Variants in CYP3A7 observed in about 807,000 individuals in gnomAD.
CYP3A7 encodes cytochrome P450 3A7.
In CYP3A7, 45 loss-of-function variants were observed where a neutral mutation model predicts 55.2. The ratio of observed to expected loss-of-function variants is 0.82; its 90% CI spans 0.64 to 1.05. The LOEUF (loss-of-function observed/expected upper bound fraction) is 1.05. CYP3A7 is among the 50% of genes least tolerant of loss of function. The probability of loss-of-function intolerance (pLI) is 0.00; values close to 1 mark genes in which losing one functional copy is unlikely to be tolerated. For missense variants in CYP3A7, 548 were observed against 605.3 expected (o/e 0.91, Z 0.99); for synonymous variants, 180 against 207.4 (o/e 0.87, Z 1.13).
At chr7:99,712,916 C>T (rs1254796917) in intron 9 of CYP3A7, among the ~76,000 whole-genome samples, 1 of 152,148 alleles carries the variant, frequency 6.6e-6, no homozygotes, top group African/African-American at 2.4e-5. Context: ...TACACAGTCT[C>T]AGAGGTTTTC....
At position 99,731,152 on chromosome 7, in the gene CYP3A7, T is replaced by C; in HGVS notation, c.72A>G (p.Leu24=). ...AAAGTCCATGTGTACGGGTTCCATA[T>C]CTACAAAGTGAAACAAAAATCAGGT... The part of the protein sequence containing the change: ...LLAVSLILLY[L]YGTRTHGLFK... The change falls in exon 2 of 13, where the codon CTA becomes CTG. Residue 24 remains leucine, a splice_region_variant and synonymous_variant. Transcript: ENST00000336374. The C allele has an allele frequency of 1.2e-6, 2 of 1,613,778 alleles. No individual in the cohort carries two copies. Among genetic ancestry groups the C allele is most frequent in the Non-Finnish European group, 1.7e-6 (2 of 1,179,760 alleles).
intron 12 of CYP3A7, among the ~76,000 whole-genome samples, chr7:99,706,176 C>A (rs1378079079): frequency 6.6e-6 from 1 of 152,168 alleles, no homozygotes; most frequent in Non-Finnish European, 1.5e-5. Context: ...AGTGGGGAAC[C>A]TCTCAATTCC....
At chr7:99,722,230 T>C in intron 3 of CYP3A7, 66 bp downstream of exon 3, 1 of 1,600,406 alleles carries the variant, frequency 6.2e-7, no homozygotes, top group South Asian at 1.1e-5. Context: ...GAGACTATCC[T>C]CTGTGCAGTG....
chr7:99,730,892 A>C (rs950611839), intron 2 of CYP3A7, 167 bp downstream of exon 2: 8 of 848,916 alleles, frequency 9.4e-6, no homozygotes, highest in Middle Eastern at 3.4e-4. Context: ...GAGAGTTAGC[A>C]AGAGAGCCCC....
In CYP3A7 at chr7:99,705,510, C is replaced by T. The variant is rs1813487025; in HGVS notation, c.1502G>A (p.Ser501Asn). Residue 501 changes from serine to asparagine, a missense_variant, in exon 13 of 13, where the codon AGT (serine) becomes AAT (asparagine). Coordinates refer to ENST00000336374, the MANE Select transcript of CYP3A7 (RefSeq NM_000765.5). ...AAGTCCTTAGGGAAATCAGGCTCCACTTACGGTCTCATCCCTTGACTCAGC... is the reference window on the plus strand; with the variant it reads ...AAGTCCTTAGGGAAATCAGGCTCCATTTACGGTCTCATCCCTTGACTCAGC... ...LKAESRDETVSGA is the reference protein window; with the variant it reads ...LKAESRDETVNGA The T allele has an allele frequency of 6.2e-7, 1 of 1,613,496 alleles. No individual in the cohort carries two copies. Among genetic ancestry groups the T allele is most frequent in the African/African-American group, 1.3e-5 (1 of 74,900 alleles).
chr7:99,734,987 A>G, intron 1 of CYP3A7, 36 bp downstream of exon 1: 2 of 1,613,774 alleles, frequency 1.2e-6, no homozygotes, highest in Non-Finnish European at 8.5e-7. Context: ...CCCAAGTCCA[A>G]GGAAACAGAG....
chr7:99,709,007 G>C (rs1813638812), intron 11 of CYP3A7, 28 bp downstream of exon 11: 1 of 1,613,370 alleles, frequency 6.2e-7, no homozygotes, highest in Non-Finnish European at 8.5e-7. Context: ...CTGGTTCAGG[G>C]AGGGCTCCCT....
intron 1 of CYP3A7, among the ~76,000 whole-genome samples, chr7:99,734,633 T>C (rs1814759849): frequency 6.6e-6 from 1 of 151,426 alleles, no homozygotes; most frequent in Non-Finnish European, 1.5e-5. Flanking sequence ...TCTCTTTTTT[T>C]TTTTTTGAGA....
At chr7:99,718,554 T>C (rs1379304735) in intron 4 of CYP3A7, among the ~76,000 whole-genome samples, 1 of 152,108 alleles carries the variant, frequency 6.6e-6, no homozygotes, top group African/African-American at 2.4e-5. Flanking sequence ...ATAAAGAGAA[T>C]CTACAAAAAA....
At chr7:99,713,633 C>T in intron 8 of CYP3A7, 98 bp from the exon 9 acceptor site, 1 of 1,536,376 alleles carries the variant, frequency 6.5e-7, no homozygotes, top group Non-Finnish European at 8.9e-7. Context: ...GAGAATATAG[C>T]CCCTTGGAGA....
At position 99,710,884 on chromosome 7, in the gene CYP3A7, C is replaced by A; in HGVS notation, c.874G>T (p.Asp292Tyr). The A allele has an allele frequency of 1.2e-6, 2 of 1,613,712 alleles. No individual in the cohort carries two copies. Among genetic ancestry groups the A allele is most frequent in the Non-Finnish European group, 1.7e-6 (2 of 1,179,760 alleles). Residue 292 changes from aspartate (D) to tyrosine (Y), a missense_variant, in exon 10 of 13, where the codon GAT (aspartate) becomes TAT (tyrosine). By Grantham distance (160) the Asp-to-Tyr change is radical. Coordinates refer to ENST00000336374, the MANE Select transcript of CYP3A7 (RefSeq NM_000765.5). ...KDSETHKALS[D>Y]LELMAQSIIF... ...ATTGATTGGGCCATGAGCTCCAGAT[C>A]AGACAGAGCTGAAAGGAGAGAAAAG...
At chr7:99,708,886 G>C in intron 11 of CYP3A7, 149 bp downstream of exon 11, 1 of 943,672 alleles carries the variant, frequency 1.1e-6, no homozygotes, top group South Asian at 1.6e-5. Context: ...TGTAAAGTGT[G>C]ACAATGATCA....
chr7:99,714,347 A>G (rs1813857830), intron 8 of CYP3A7, among the ~76,000 whole-genome samples: 1 of 152,184 alleles, frequency 6.6e-6, no homozygotes, highest in East Asian at 1.9e-4. Flanking sequence ...ATCAAATTTT[A>G]AGTGCTCTCT....
chr7:99,722,364 AAAT>A lies in CYP3A7; in HGVS notation c.166-19_166-17del, dbSNP rs1301585779. On this transcript the variant is annotated splice_polypyrimidine_tract_variant and intron_variant, in intron 2 of 12. Coordinates refer to ENST00000336374, the MANE Select transcript of CYP3A7 (RefSeq NM_000765.5). ...TCCAATAGCCCTGGGAGGAGAAACA[AAAT>A]AATATTTCATTATTATTTTAAGTGT... 37 of 1,613,120 alleles carry A rather than the reference AAAT, an allele frequency of 2.3e-5. No homozygotes were observed. The East Asian group carries it at 8.0e-4, about 35-fold the overall frequency.
chr7:99,715,564 A>G (rs1432268297), intron 7 of CYP3A7, 194 bp downstream of exon 7: 1 of 960,222 alleles, frequency 1.0e-6, no homozygotes, highest in Non-Finnish European at 1.5e-6. Flanking sequence ...GTTGATAGCT[A>G]AACATGTATG....
rs45592732 is a variant in CYP3A7, at chr7:99,710,722, G to A, written c.1026+10C>T. 7.7e-5 allele frequency: 124 copies of A among 1,613,752 alleles called. 1 individual carries two copies. The East Asian group carries it at 1.4e-3, about 18-fold the overall frequency. On this transcript the variant is annotated intron_variant, in intron 10 of 12. Transcript: ENST00000336374. The stretch of plus-strand genomic sequence containing the variant: ...CCTCCTCCCTCCTTCTCCATGTACT[G>A]TCCACTCACCTTATTGGGTAAAACT...
chr7:99,727,398 C>G (rs570962180), intron 2 of CYP3A7, among the ~76,000 whole-genome samples: 1 of 152,314 alleles, frequency 6.6e-6, no homozygotes, highest in South Asian at 2.1e-4. Context: ...TTCCTCACAC[C>G]TGATGCATAT....
intron 2 of CYP3A7, among the ~76,000 whole-genome samples, chr7:99,723,599 G>T (rs1486342004): frequency 6.6e-6 from 1 of 152,138 alleles, no homozygotes; most frequent in African/African-American, 2.4e-5. Context: ...ACCTGGGACA[G>T]GGGGACTCCT....
In CYP3A7 at chr7:99,718,234, G is replaced by A. The variant is rs955635689; in HGVS notation, c.319-595C>T. 3.3e-5 allele frequency among the ~76,000 whole-genome samples: 5 copies of A among 152,122 alleles called. No individual in the cohort carries two copies. In the South Asian group the frequency reaches 6.2e-4, roughly 19 times the overall value. On this transcript the variant is annotated intron_variant, in intron 4 of 12. Transcript: ENST00000336374. Reference sequence around the variant, plus strand: ...ACATGCATACATATGTAACAAACCTGCACGTTGTGCACATGTACCCTAAAA... The same window carrying A: ...ACATGCATACATATGTAACAAACCTACACGTTGTGCACATGTACCCTAAAA...
Sources: allele counts gnomAD v4.1 joint callset (sites outside exome capture counted in the v4.1 genomes callset), GRCh38; gene constraint gnomAD v4.1.1; transcripts MANE v1.5; gene names NCBI Gene and HGNC (gene_info 2026-07-23, HGNC 2026-07-21).